UBXN2B: variants seen among roughly 807,000 people sequenced by gnomAD.
UBXN2B encodes the protein UBX domain protein 2B, also known as UBX domain-containing protein 2B.
A neutral mutation model predicts 37.5 loss-of-function variants in UBXN2B; 19 were observed. The observed-to-expected ratio is 0.51, with a 90% CI of 0.35 to 0.74. UBXN2B has a LOEUF of 0.74. UBXN2B is among the 30% of genes least tolerant of loss of function. The pLI, the probability that UBXN2B is intolerant of heterozygous loss-of-function variation, is 0.01. For missense variants in UBXN2B, 370 were observed against 393.2 expected (o/e 0.94, Z 0.50); for synonymous variants, 145 against 143.8 (o/e 1.01, Z -0.06).
intron 2 of UBXN2B, among the ~76,000 whole-genome samples, chr8:58,420,942 T>C (rs1316513207): frequency 1.3e-5 from 2 of 152,226 alleles, no homozygotes; most frequent in Non-Finnish European, 2.9e-5. Flanking sequence ...GGCCATGTGC[T>C]TGCTATATGT....
intron 2 of UBXN2B, among the ~76,000 whole-genome samples, chr8:58,418,350 A>T (rs1049789562): frequency 6.6e-6 from 1 of 152,082 alleles, no homozygotes; most frequent in Non-Finnish European, 1.5e-5. Context: ...TTAGGATTCA[A>T]CTGAGGACAT....
Position 58,417,432 on chromosome 8 carries a change from A to G in UBXN2B, c.188+479A>G, listed in dbSNP as rs561356818. ...TCTTTTGTCCTCCATTTAAGAATCT[A>G]TGATTTTTGAAGTCTGTCTCTTCTT... On this transcript the variant is annotated intron_variant, in intron 2 of 7. Transcript: ENST00000399598. 7.2e-5 allele frequency among the ~76,000 whole-genome samples: 11 copies of G among 152,276 alleles called. No individual in the cohort carries two copies. The East Asian group carries it at 7.7e-4, about 11-fold the overall frequency.
At chr8:58,430,422 A>G in intron 2 of UBXN2B, 97 bp from the exon 3 acceptor site, 1 of 903,556 alleles carries the variant, frequency 1.1e-6, no homozygotes, top group Non-Finnish European at 1.5e-6. Flanking sequence ...GCCTCTTTTT[A>G]AATAAAATAC....
At chr8:58,411,522 G>C in intron 1 of UBXN2B, 53 bp downstream of exon 1, 1 of 1,229,752 alleles carries the variant, frequency 8.1e-7, no homozygotes, top group South Asian at 3.6e-5. Context: ...GGCTGGTGAC[G>C]GCGCGGGCTG....
intron 2 of UBXN2B, among the ~76,000 whole-genome samples, chr8:58,428,894 C>G (rs1315582157): frequency 6.6e-6 from 1 of 152,118 alleles, no homozygotes; most frequent in Non-Finnish European, 1.5e-5. Context: ...GGTACTGGGA[C>G]AAATGGACAT....
intron 3 of UBXN2B, among the ~76,000 whole-genome samples, chr8:58,432,416 T>C (rs1322686548): frequency 7.5e-6 from 1 of 132,900 alleles, no homozygotes; most frequent in Non-Finnish European, 1.5e-5. Context: ...AGGGTCTCGC[T>C]CTGTTGCCCA....
intron 5 of UBXN2B, among the ~76,000 whole-genome samples, chr8:58,438,050 A>G (rs912935312): frequency 6.7e-6 from 1 of 150,300 alleles, no homozygotes; most frequent in Non-Finnish European, 1.5e-5. Context: ...GCCTCTGGAC[A>G]CTGTTCCCAG....
intron 1 of UBXN2B, among the ~76,000 whole-genome samples, chr8:58,412,491 A>C (rs1368562446): frequency 6.6e-6 from 1 of 152,258 alleles, no homozygotes; most frequent in South Asian, 2.1e-4. Context: ...TAAGCAGTGC[A>C]TAAAGCGAAG....
Position 58,433,146 on chromosome 8 carries a change from G to T in UBXN2B, c.340-14G>T, listed in dbSNP as rs16923472. 6.3e-7 allele frequency: 1 copy of T among 1,585,210 alleles called. No homozygotes were observed. The highest frequency in any genetic ancestry group is 1.1e-5 in the South Asian group (1 of 89,140). On this transcript the variant is annotated splice_polypyrimidine_tract_variant and intron_variant, in intron 3 of 7. Transcript: ENST00000399598. ...ATCCTTTGTGAATTTTAACTCACTTGCTATGTATTTTAGTCATTTACAGGT... is the reference window on the plus strand; with the variant it reads ...ATCCTTTGTGAATTTTAACTCACTTTCTATGTATTTTAGTCATTTACAGGT...
intron 2 of UBXN2B, among the ~76,000 whole-genome samples, chr8:58,417,560 TGA>T (rs1253691239): frequency 2.6e-5 from 4 of 152,222 alleles, no homozygotes; most frequent in African/African-American, 9.6e-5. Context: ...ACTTAAGAGA[TGA>T]GAACCAGGTG....
At chr8:58,418,325 G>C (rs1267985048) in intron 2 of UBXN2B, among the ~76,000 whole-genome samples, 1 of 151,202 alleles carries the variant, frequency 6.6e-6, no homozygotes, top group Non-Finnish European at 1.5e-5. Context: ...ATCTCTTATA[G>C]CTTTTTCTTT....
intron 5 of UBXN2B, 147 bp downstream of exon 5, chr8:58,434,651 TAA>T: frequency 1.0e-6 from 1 of 991,320 alleles, no homozygotes; most frequent in Non-Finnish European, 1.4e-6. Context: ...TAGGTATTCT[TAA>T]GTTTATAAAG....
intron 2 of UBXN2B, chr8:58,425,077 G>A: frequency 1.3e-6 from 1 of 784,462 alleles, no homozygotes; most frequent in Non-Finnish European, 2.3e-6. Context: ...CACACCCCTG[G>A]GGTCAATGGG....
chr8:58,437,120 GTATTGA>G (rs1808431499), intron 5 of UBXN2B, among the ~76,000 whole-genome samples: 1 of 152,126 alleles, frequency 6.6e-6, no homozygotes, highest in Non-Finnish European at 1.5e-5. Flanking sequence ...TGTGACCAAA[GTATTGA>G]TAGAAATATG....
In UBXN2B at chr8:58,449,571, A is replaced by G. The variant is rs1808758236; in HGVS notation, c.*2020A>G. The G allele has an allele frequency of 1.3e-5, 2 of 152,236 alleles. No homozygotes were observed. The highest frequency in any genetic ancestry group is 6.5e-5 in the Admixed American group (1 of 15,280). The allele number at this position is 152,236 out of a possible 1,614,324, so 9.4% of individuals were successfully genotyped here. ...GAAAACAAGTTATCTGTTCCCAAGTATGATGGCATGACAGGCAGACAATAA... is the reference window on the plus strand; with the variant it reads ...GAAAACAAGTTATCTGTTCCCAAGTGTGATGGCATGACAGGCAGACAATAA... On this transcript the variant is annotated 3_prime_UTR_variant, in exon 8 of 8. Coordinates refer to ENST00000399598, the MANE Select transcript of UBXN2B (RefSeq NM_001077619.2).
At chr8:58,411,793 A>G (rs1411512062) in intron 1 of UBXN2B, among the ~76,000 whole-genome samples, 1 of 152,244 alleles carries the variant, frequency 6.6e-6, no homozygotes, top group Non-Finnish European at 1.5e-5. Context: ...GACTTACTCC[A>G]GAAGAAAGGT....
chr8:58,436,290 T>C (rs539294558), intron 5 of UBXN2B, among the ~76,000 whole-genome samples: 10 of 152,356 alleles, frequency 6.6e-5, no homozygotes, highest in Non-Finnish European at 1.3e-4. Context: ...CTTTACTTCC[T>C]GGAGATTTCA....
chr8:58,425,907 T>C, intron 2 of UBXN2B: 2 of 1,214,100 alleles, frequency 1.6e-6, no homozygotes, highest in African/African-American at 1.5e-5. Flanking sequence ...TTGTCATCAC[T>C]GGTGCGCACA....
chr8:58,435,666 T>C (rs1808394850), intron 5 of UBXN2B, among the ~76,000 whole-genome samples: 1 of 152,242 alleles, frequency 6.6e-6, no homozygotes, highest in Non-Finnish European at 1.5e-5. Context: ...AATGTTCTGT[T>C]ATATAGATAA....
Sources: gnomAD v4.1 joint callset for allele counts (sites outside exome capture counted in the v4.1 genomes callset) on GRCh38, gnomAD v4.1.1 for gene constraint, MANE v1.5 for transcripts, NCBI Gene and HGNC (gene_info 2026-07-23, HGNC 2026-07-21) for gene names.